Variants in TENM3 observed in about 807,000 individuals in gnomAD.
TENM3 encodes teneurin-3.
A neutral mutation model predicts 255.1 loss-of-function variants in TENM3; 63 were observed. The ratio of observed to expected loss-of-function variants is 0.25; its 90% CI spans 0.20 to 0.30. The LOEUF is 0.30. Among genes scored for constraint, TENM3 ranks in the 10% least tolerant of loss-of-function variants. The pLI, the probability that TENM3 is intolerant of heterozygous loss-of-function variation, is 1.00. For missense variants in TENM3, 2,929 were observed against 3,461.1 expected, an observed-to-expected ratio of 0.85 and a Z score of 3.86; for synonymous variants, 1,306 against 1,322.3, an observed-to-expected ratio of 0.99 and a Z score of 0.27.
At chr4:181,592,119 T>A in the TENM3 span, among the ~76,000 whole-genome samples, 1 of 152,098 alleles carries the variant, frequency 6.6e-6, no homozygotes, top group African/African-American at 2.4e-5. Context: ...CTTTTGCAGG[T>A]GGTGGATATG....
chr4:181,861,458 A>G, the TENM3 span, among the ~76,000 whole-genome samples: 2 of 152,166 alleles, frequency 1.3e-5, no homozygotes, highest in Non-Finnish European at 2.9e-5. Flanking sequence ...AAGGATCTCA[A>G]GATGCACCTG....
intron 22 of TENM3, among the ~76,000 whole-genome samples, chr4:182,759,692 A>T (rs1182162079): frequency 6.6e-6 from 1 of 152,244 alleles, no homozygotes; most frequent in Non-Finnish European, 1.5e-5. Flanking sequence ...ATATTATTGT[A>T]TCTGGTATCA....
the TENM3 span, among the ~76,000 whole-genome samples, chr4:181,839,103 C>A: frequency 6.6e-6 from 1 of 150,582 alleles, no homozygotes; most frequent in Non-Finnish European, 1.5e-5. Context: ...TTTCTAAATC[C>A]CATTATAATT....
At chr4:182,315,763 A>T (rs1436230635) in intron 1 of TENM3, among the ~76,000 whole-genome samples, 2 of 151,876 alleles carry the variant, frequency 1.3e-5, no homozygotes, top group Non-Finnish European at 2.9e-5. Context: ...TGTCTCTCTG[A>T]TGATTTATTT....
chr4:181,759,678 TAAGTA>T, the TENM3 span, among the ~76,000 whole-genome samples: 4 of 151,164 alleles, frequency 2.6e-5, no homozygotes, highest in Non-Finnish European at 4.4e-5. Context: ...GAGTTGTAAT[TAAGTA>T]AAGAGGAAAA....
chr4:182,547,314 T>G (rs1367280180), intron 3 of TENM3, among the ~76,000 whole-genome samples: 2 of 152,196 alleles, frequency 1.3e-5, no homozygotes, highest in Non-Finnish European at 2.9e-5. Context: ...TTATGGTTAC[T>G]TTTCTCGTGC....
chr4:181,746,430 C>T, the TENM3 span, among the ~76,000 whole-genome samples: 91 of 151,910 alleles, frequency 6.0e-4, 2 homozygotes, highest in East Asian at 0.012. Context: ...GGAATGCAGG[C>T]GAATGGCCTG....
intron 3 of TENM3, 27 bp from the exon 4 acceptor site, chr4:182,600,897 C>CTTTTTTT (rs548783934): frequency 2.2e-4 from 110 of 496,342 alleles, no homozygotes; most frequent in African/African-American, 9.2e-4. Context: ...AGTTCTCTTT[C>CTTTTTTT]TTTTTTTTTT....
the TENM3 span, among the ~76,000 whole-genome samples, chr4:181,812,368 T>C: frequency 6.6e-6 from 1 of 152,246 alleles, no homozygotes. Context: ...GTTTTTCAGT[T>C]GCTGCTTTTA....
chr4:182,750,490 C>G (rs972717588), intron 19 of TENM3, among the ~76,000 whole-genome samples: 2 of 152,028 alleles, frequency 1.3e-5, no homozygotes, highest in African/African-American at 4.8e-5. Context: ...AGAATAGAAT[C>G]TCTTACAGGA....
At position 182,724,257 on chromosome 4, in the gene TENM3, C is replaced by T. The variant is rs191384395; in HGVS notation, c.2369-4708C>T. Among the ~76,000 whole-genome samples the T allele has an allele frequency of 4.9e-3, 745 of 152,254 alleles. 4 individuals are homozygous for T. Among genetic ancestry groups the T allele is most frequent in the Middle Eastern group, 0.01 (3 of 294 alleles). ...TATTCCTGAAACTAAAATGGAATCT[C>T]GATGATTTTTGAGAAGCTATTCCAC... On this transcript the variant is annotated intron_variant, in intron 13 of 27. Transcript: ENST00000511685.
At chr4:182,468,824 TTGTGTGTGTGTGTGTGTGTG>T (rs66517986) in intron 3 of TENM3, among the ~76,000 whole-genome samples, 12 of 143,778 alleles carry the variant, frequency 8.3e-5, no homozygotes, top group African/African-American at 2.1e-4. Context: ...TCCTGTGTGC[TTGTGTGTGTGTGTGTGTGTG>T]TGTGTGTGTG....
chr4:181,732,435 T>C, the TENM3 span, among the ~76,000 whole-genome samples: 1 of 152,194 alleles, frequency 6.6e-6, no homozygotes, highest in South Asian at 2.1e-4. Flanking sequence ...GCCATCATTT[T>C]TTAAAAATTC....
intron 7 of TENM3, among the ~76,000 whole-genome samples, chr4:182,675,398 G>A (rs1050738401): frequency 4.0e-5 from 6 of 151,838 alleles, no homozygotes; most frequent in African/African-American, 7.3e-5. Context: ...AAAATTAGCC[G>A]AACGTGGTAG....
the TENM3 span, among the ~76,000 whole-genome samples, chr4:181,888,981 C>T: frequency 1.1e-3 from 170 of 152,108 alleles, 1 homozygote; most frequent in Non-Finnish European, 1.6e-3. Context: ...AAATGTTGAT[C>T]TCTTCCAGAA....
At chr4:182,461,307 G>A (rs1349356969) in intron 3 of TENM3, among the ~76,000 whole-genome samples, 1 of 152,192 alleles carries the variant, frequency 6.6e-6, no homozygotes, top group Non-Finnish European at 1.5e-5. Context: ...CAAGTGACAG[G>A]AGAAGGCTTT....
chr4:182,680,396 G>T, intron 9 of TENM3, 47 bp downstream of exon 9: 1 of 1,285,062 alleles, frequency 7.8e-7, no homozygotes, highest in Non-Finnish European at 1.1e-6. Context: ...ATAAGCTGTA[G>T]AAACACAAGT....
intron 12 of TENM3, among the ~76,000 whole-genome samples, chr4:182,688,825 T>C (rs894002302): frequency 2.3e-4 from 35 of 152,328 alleles, no homozygotes; most frequent in Middle Eastern, 3.4e-3. Flanking sequence ...GTTTGACTTA[T>C]TATGACTTCA....
the TENM3 span, among the ~76,000 whole-genome samples, chr4:181,698,676 A>T: frequency 2.0e-5 from 3 of 152,246 alleles, no homozygotes; most frequent in African/African-American, 7.2e-5. Flanking sequence ...GCCAAAAACT[A>T]GCAGTAAGAT....
Sources: allele counts gnomAD v4.1 joint callset (sites outside exome capture counted in the v4.1 genomes callset), GRCh38; gene constraint gnomAD v4.1.1; transcripts MANE v1.5; gene names NCBI Gene and HGNC (gene_info 2026-07-23, HGNC 2026-07-21).